Variants in SLC13A1 observed in about 807,000 individuals in gnomAD.
The protein encoded by SLC13A1 is solute carrier family 13 member 1, also known as Na(+)/sulfate cotransporter.
SLC13A1 carries 65 observed loss-of-function variants against 70.0 expected under a neutral mutation model. The ratio of observed to expected loss-of-function variants is 0.93; its 90% CI spans 0.76 to 1.14. The LOEUF (loss-of-function observed/expected upper bound fraction) is 1.14. Among genes scored for constraint, SLC13A1 ranks in the 50% most tolerant of loss-of-function variants. The pLI is 0.00. For synonymous variants in SLC13A1, 275 were observed against 250.5 expected, an observed-to-expected ratio of 1.10 and a Z score of -0.92; for missense variants, 726 against 717.8, an observed-to-expected ratio of 1.01 and a Z score of -0.13.
intron 10 of SLC13A1, among the ~76,000 whole-genome samples, chr7:123,128,474 G>A (rs772554542): frequency 4.0e-5 from 6 of 151,716 alleles, no homozygotes; most frequent in Non-Finnish European, 2.9e-5. Flanking sequence ...GATGAGTCAG[G>A]AAAGGAACCC....
At chr7:123,127,368 A>G (rs1793595760) in intron 10 of SLC13A1, among the ~76,000 whole-genome samples, 1 of 152,004 alleles carries the variant, frequency 6.6e-6, no homozygotes, top group African/African-American at 2.4e-5. Context: ...TGAATTACCT[A>G]TTGGGATTTC....
chr7:123,152,303 T>C (rs1794582212), intron 6 of SLC13A1, among the ~76,000 whole-genome samples: 1 of 152,148 alleles, frequency 6.6e-6, no homozygotes, highest in South Asian at 2.1e-4. Flanking sequence ...AATGCTGCAA[T>C]GAATATGGGG....
chr7:123,146,433 G>A (rs187854894), intron 7 of SLC13A1, among the ~76,000 whole-genome samples: 39 of 152,268 alleles, frequency 2.6e-4, no homozygotes, highest in African/African-American at 7.5e-4. Context: ...GCTGAGGCAC[G>A]ACAATCACTT....
At chr7:123,141,226 T>G (rs1794126892) in intron 7 of SLC13A1, among the ~76,000 whole-genome samples, 1 of 152,128 alleles carries the variant, frequency 6.6e-6, no homozygotes, top group South Asian at 2.1e-4. Flanking sequence ...TTTCCAAAAT[T>G]CCTCTTGTAT....
chr7:123,145,421 T>C (rs185949307), intron 7 of SLC13A1, among the ~76,000 whole-genome samples: 510 of 152,286 alleles, frequency 3.3e-3, no homozygotes, highest in Middle Eastern at 6.8e-3. Flanking sequence ...ACTAATTTCA[T>C]GTGAATGATG....
chr7:123,170,079 C>T (rs1341060395), intron 3 of SLC13A1, among the ~76,000 whole-genome samples: 1 of 152,064 alleles, frequency 6.6e-6, no homozygotes, highest in African/African-American at 2.4e-5. Flanking sequence ...TAAGCCATAT[C>T]TATAAACTTT....
chr7:123,154,842 T>G (rs1794662368), intron 6 of SLC13A1, among the ~76,000 whole-genome samples: 1 of 152,074 alleles, frequency 6.6e-6, no homozygotes, highest in Non-Finnish European at 1.5e-5. Flanking sequence ...AACCTAGTTA[T>G]TTTTTCTCTA....
intron 1 of SLC13A1, among the ~76,000 whole-genome samples, chr7:123,185,393 T>C (rs959676652): frequency 2.0e-5 from 3 of 152,112 alleles, no homozygotes; most frequent in Admixed American, 1.3e-4. Flanking sequence ...TGTTTTGTAT[T>C]CTAGTAGTTT....
chr7:123,155,441 T>C (rs190569671), intron 6 of SLC13A1, among the ~76,000 whole-genome samples: 8 of 152,162 alleles, frequency 5.3e-5, no homozygotes, highest in African/African-American at 1.7e-4. Context: ...AGTAATATAT[T>C]TGTTTGCCTC....
At position 123,192,436 on chromosome 7, in the gene SLC13A1, A is replaced by G. The variant is rs115315701; in HGVS notation, c.99+7412T>C. 4.4e-3 allele frequency among the ~76,000 whole-genome samples: 676 copies of G among 152,334 alleles called. 2 individuals are homozygous for G. The highest frequency in any genetic ancestry group is 0.016 in the African/African-American group (652 of 41,584). On this transcript the variant is annotated intron_variant, in intron 1 of 14. Transcript: ENST00000194130. ...AATCACCTTGGTTCTCTTTTAAATT[A>G]TAGCCCCACATGGAATTAGAATATA... is the stretch of plus-strand genomic sequence containing the variant.
In SLC13A1 at chr7:123,168,545, A is replaced by T; in HGVS notation, c.570T>A (p.His190Gln). The T allele has an allele frequency of 6.2e-7, 1 of 1,608,872 alleles. No homozygotes were observed. Among genetic ancestry groups the T allele is most frequent in the Middle Eastern group, 1.7e-4 (1 of 6,028 alleles). Residue 190 changes from histidine to glutamine, a missense_variant, in exon 5 of 15, where the codon CAT becomes CAA. By Grantham distance (24) the His-to-Gln change is conservative. Coordinates refer to ENST00000194130, the MANE Select transcript of SLC13A1 (RefSeq NM_022444.4). ...TTTTCTCTTTCCTCTCATTTATTTC[A>T]TGTCCATTAACACTTTCTGCAAAAC... ...GLEIDESVNG[H>Q]EINERKEKTK...
At chr7:123,166,568 CA>C (rs1795085131) in intron 6 of SLC13A1, among the ~76,000 whole-genome samples, 1 of 151,994 alleles carries the variant, frequency 6.6e-6, no homozygotes, top group East Asian at 1.9e-4. Flanking sequence ...CAACAGGCCC[CA>C]GTGTGTGACG....
intron 4 of SLC13A1, 90 bp downstream of exon 4, chr7:123,169,058 G>T: frequency 1.7e-6 from 2 of 1,206,214 alleles, no homozygotes; most frequent in Non-Finnish European, 2.4e-6. Context: ...ATGTATAGAT[G>T]GTTAATTCAA....
At chr7:123,142,779 G>A (rs76533655) in intron 7 of SLC13A1, among the ~76,000 whole-genome samples, 48,079 of 151,432 alleles carry the variant, frequency 0.32, 7,941 homozygotes, top group African/African-American at 0.41. Context: ...CACCATGCCC[G>A]GCTAATTTTT....
chr7:123,124,714 G>C (rs1408047650), intron 11 of SLC13A1, among the ~76,000 whole-genome samples: 9 of 152,010 alleles, frequency 5.9e-5, no homozygotes, highest in Non-Finnish European at 1.0e-4. Flanking sequence ...TGTGTTGAGA[G>C]GATGGTATGC....
chr7:123,122,073 C>T (rs1251469382), intron 12 of SLC13A1, among the ~76,000 whole-genome samples: 1 of 152,080 alleles, frequency 6.6e-6, no homozygotes, highest in East Asian at 1.9e-4. Context: ...CACACCTTTT[C>T]GTTTCCTCAG....
intron 14 of SLC13A1, 48 bp downstream of exon 14, chr7:123,117,423 C>T (rs1427052078): frequency 1.3e-6 from 2 of 1,587,844 alleles, no homozygotes; most frequent in African/African-American, 2.7e-5. Flanking sequence ...ACATGGCACA[C>T]ACCAAGATGT....
chr7:123,182,459 A>C (rs1320496937), intron 1 of SLC13A1, among the ~76,000 whole-genome samples: 1 of 152,030 alleles, frequency 6.6e-6, no homozygotes, highest in Non-Finnish European at 1.5e-5. Flanking sequence ...ATATCTCTCA[A>C]ATCTGCCCCT....
chr7:123,181,870 C>T lies in SLC13A1; in HGVS notation c.100-769G>A, dbSNP rs575650979. 1.6e-4 allele frequency among the ~76,000 whole-genome samples: 25 copies of T among 152,206 alleles called. No individual in the cohort carries two copies. The South Asian group carries it at 5.0e-3, about 30-fold the overall frequency. ...TTGCTCTCACAGTGCTTACTCTCTGCAAATTCTGAGTTGCATTTGAAAAAT... is the reference window on the plus strand; with the variant it reads ...TTGCTCTCACAGTGCTTACTCTCTGTAAATTCTGAGTTGCATTTGAAAAAT... On this transcript the variant is annotated intron_variant, in intron 1 of 14. Transcript: ENST00000194130.
Sources: gnomAD v4.1 joint callset for allele counts (sites outside exome capture counted in the v4.1 genomes callset) on GRCh38, gnomAD v4.1.1 for gene constraint, MANE v1.5 for transcripts, NCBI Gene and HGNC (gene_info 2026-07-23, HGNC 2026-07-21) for gene names.